EYS: variants seen among roughly 807,000 people sequenced by gnomAD.
The protein encoded by EYS is EGF-like photoreceptor maintenance factor.
A neutral mutation model predicts 282.1 loss-of-function variants in EYS; 250 were observed. The ratio of observed to expected loss-of-function variants is 0.89; its 90% confidence interval spans 0.80 to 0.98. The LOEUF (loss-of-function observed/expected upper bound fraction) is 0.98. Ranked by LOEUF, EYS falls within the 50% of genes least tolerant of loss-of-function variation. EYS has a pLI of 0.00. For synonymous variants in EYS, 1,355 were observed against 1,282.9 expected, an observed-to-expected ratio of 1.06 and a Z score of -1.20; for missense variants, 4,016 against 3,709.0, an observed-to-expected ratio of 1.08 and a Z score of -2.15.
chr6:64,117,495 T>A (rs1454526240), intron 31 of EYS, among the ~76,000 whole-genome samples: 1 of 151,502 alleles, frequency 6.6e-6, no homozygotes, highest in African/African-American at 2.4e-5. Flanking sequence ...AAAGAGAATA[T>A]TCAACTAACT....
At chr6:65,058,120 G>T (rs1299914100) in intron 12 of EYS, among the ~76,000 whole-genome samples, 1 of 152,114 alleles carries the variant, frequency 6.6e-6, no homozygotes, top group Non-Finnish European at 1.5e-5. Flanking sequence ...ATAACATCCT[G>T]ATGTATGTCC....
intron 26 of EYS, among the ~76,000 whole-genome samples, chr6:64,450,243 G>C (rs191819962): frequency 5.2e-4 from 79 of 152,036 alleles, no homozygotes; most frequent in African/African-American, 1.8e-3. Flanking sequence ...AACCAACAAA[G>C]ATCAAAAGAG....
intron 26 of EYS, among the ~76,000 whole-genome samples, chr6:64,581,771 C>A (rs960877217): frequency 5.3e-5 from 8 of 152,044 alleles, no homozygotes; most frequent in African/African-American, 1.9e-4. Context: ...CTTCTGAGGT[C>A]ACACACCCCT....
chr6:65,251,071 C>T (rs944598134), intron 12 of EYS, among the ~76,000 whole-genome samples: 1 of 147,294 alleles, frequency 6.8e-6, no homozygotes, highest in Non-Finnish European at 1.5e-5. Flanking sequence ...GAGCACTGGC[C>T]TTAACACATA....
rs188360667 is a variant in EYS at position 65,452,080 on chromosome 6, A to T, written c.862+38514T>A. On this transcript the variant is annotated intron_variant, in intron 5 of 42. Transcript: ENST00000503581. The stretch of plus-strand genomic sequence containing the variant: ...AGTAGAATTTAATAATAATTTAATT[A>T]AATTAGTTAATATATGTCATACACT... Among the ~76,000 whole-genome samples the T allele has an allele frequency of 1.3e-3, 204 of 151,840 alleles. 1 individual carries two copies. Among genetic ancestry groups the T allele is most frequent in the African/African-American group, 4.5e-3 (187 of 41,554 alleles).
chr6:65,280,107 T>C lies in EYS; in HGVS notation c.2023+15756A>G, dbSNP rs946400798. ...AAGTAGATTTATATTATTTCTGCTC[T>C]TCTCAGAGGAGCTTTATTTTAGACT... On this transcript the variant is annotated intron_variant, in intron 12 of 42. Coordinates refer to ENST00000503581, the MANE Select transcript of EYS (RefSeq NM_001142800.2). Among the ~76,000 whole-genome samples the C allele has an allele frequency of 2.0e-4, 30 of 152,186 alleles. 1 individual carries two copies. The highest frequency in any genetic ancestry group is 7.0e-4 in the African/African-American group (29 of 41,450).
chr6:64,421,860 G>GTATGT (rs1554159220), intron 28 of EYS, among the ~76,000 whole-genome samples: 1 of 138,268 alleles, frequency 7.2e-6, no homozygotes, highest in Non-Finnish European at 1.6e-5. Flanking sequence ...TTGTTTGGGG[G>GTATGT]GTGTGTGTGT....
At chr6:65,318,896 C>A (rs918985414) in intron 11 of EYS, among the ~76,000 whole-genome samples, 2 of 150,342 alleles carry the variant, frequency 1.3e-5, no homozygotes, top group African/African-American at 4.9e-5. Flanking sequence ...CCCGCCTTGG[C>A]CTGCGAAAGT....
At chr6:64,670,927 T>C (rs958779405) in intron 22 of EYS, among the ~76,000 whole-genome samples, 2 of 150,014 alleles carry the variant, frequency 1.3e-5, no homozygotes, top group African/African-American at 4.9e-5. Flanking sequence ...AAATGATAAG[T>C]AAAAGTGGAG....
intron 19 of EYS, among the ~76,000 whole-genome samples, chr6:64,884,013 A>G (rs575044424): frequency 1.8e-4 from 28 of 151,742 alleles, no homozygotes; most frequent in African/African-American, 6.5e-4. Context: ...AAACCTCAAC[A>G]GCTAATAGAA....
At position 65,078,363 on chromosome 6, in the gene EYS, C is replaced by CCCTG. The variant is rs571822550; in HGVS notation, c.2024-20640_2024-20637dup. On this transcript the variant is annotated intron_variant, in intron 12 of 42. Coordinates refer to ENST00000503581, the MANE Select transcript of EYS (RefSeq NM_001142800.2). ...GTTAAACTATTTTTCTTAATCTATG[C>CCCTG]CCTGCAGTTCAATTGTCAATTGAGG... Among the ~76,000 whole-genome samples the CCCTG allele has an allele frequency of 3.1e-3, 469 of 152,088 alleles. 1 individual carries two copies. The highest frequency in any genetic ancestry group is 0.01 in the African/African-American group (421 of 41,510).
intron 31 of EYS, among the ~76,000 whole-genome samples, chr6:64,189,575 T>A (rs940349627): frequency 6.6e-6 from 1 of 152,164 alleles, no homozygotes; most frequent in Non-Finnish European, 1.5e-5. Flanking sequence ...GTGAAGGTGT[T>A]TTGTAGATAT....
intron 13 of EYS, among the ~76,000 whole-genome samples, chr6:65,010,160 A>T (rs1771820945): frequency 6.6e-6 from 1 of 152,190 alleles, no homozygotes; most frequent in Non-Finnish European, 1.5e-5. Flanking sequence ...GAGTCCTTAC[A>T]CAGGTCCGAG....
chr6:65,138,885 G>A (rs1307770389), intron 12 of EYS, among the ~76,000 whole-genome samples: 1 of 151,966 alleles, frequency 6.6e-6, no homozygotes, highest in Non-Finnish European at 1.5e-5. Context: ...ACCACAATGA[G>A]ATACCATTTC....
At chr6:64,805,544 A>G (rs1764396947) in intron 22 of EYS, among the ~76,000 whole-genome samples, 1 of 151,778 alleles carries the variant, frequency 6.6e-6, no homozygotes, top group African/African-American at 2.4e-5. Flanking sequence ...CTCAAAATAT[A>G]TTTTTATTTA....
At chr6:63,812,564 G>A (rs1257352861) in intron 36 of EYS, among the ~76,000 whole-genome samples, 1 of 152,172 alleles carries the variant, frequency 6.6e-6, no homozygotes, top group African/African-American at 2.4e-5. Flanking sequence ...CTAGGGCAGA[G>A]AGCTTGCCTG....
intron 26 of EYS, among the ~76,000 whole-genome samples, chr6:64,457,335 G>C (rs1775586491): frequency 1.3e-5 from 2 of 151,906 alleles, no homozygotes; most frequent in African/African-American, 4.8e-5. Flanking sequence ...TGCATACTCT[G>C]CAGATGTTAA....
intron 1 of EYS, among the ~76,000 whole-genome samples, chr6:65,703,404 C>G (rs1769754166): frequency 6.6e-6 from 1 of 151,938 alleles, no homozygotes; most frequent in African/African-American, 2.4e-5. Context: ...ATGTTAGTTG[C>G]TAATTTCCAG....
chr6:64,374,690 G>T (rs534594453), intron 29 of EYS, among the ~76,000 whole-genome samples: 223 of 152,190 alleles, frequency 1.5e-3, no homozygotes, highest in African/African-American at 5.1e-3. Flanking sequence ...TTTCCTCTAC[G>T]TGAGAGTGGC....
Sources: gnomAD v4.1 joint callset for allele counts (sites outside exome capture counted in the v4.1 genomes callset) on GRCh38, gnomAD v4.1.1 for gene constraint, MANE v1.5 for transcripts, NCBI Gene and HGNC (gene_info 2026-07-23, HGNC 2026-07-21) for gene names.